The following DOCK10 variants were observed in gnomAD, a reference collection of about 807,000 sequenced individuals.
The protein encoded by DOCK10 is dedicator of cytokinesis protein 10.
In DOCK10, 145 loss-of-function variants were observed where a neutral mutation model predicts 280.1. The ratio of observed to expected loss-of-function variants is 0.52; its 90% confidence interval spans 0.45 to 0.59. DOCK10 has a LOEUF of 0.59. Ranked by LOEUF, DOCK10 falls within the 20% of genes least tolerant of loss-of-function variation. The pLI is 0.00. For synonymous variants in DOCK10, 915 were observed against 942.2 expected (o/e 0.97, Z 0.53); for missense variants, 2,368 against 2,651.7 (o/e 0.89, Z 2.35).
intron 1 of DOCK10, among the ~76,000 whole-genome samples, chr2:224,960,261 C>A (rs922228011): frequency 4.5e-4 from 69 of 152,186 alleles, no homozygotes; most frequent in African/African-American, 1.5e-3. Context: ...GCTCTTCCTC[C>A]AGTCTGAGGG....
chr2:224,814,758 G>A (rs1473236636), intron 30 of DOCK10, among the ~76,000 whole-genome samples: 1 of 152,182 alleles, frequency 6.6e-6, no homozygotes, highest in South Asian at 2.1e-4. Flanking sequence ...CTGACCTCAG[G>A]TGATCTGCCT....
At chr2:224,859,552 T>C (rs779391889) in intron 14 of DOCK10, among the ~76,000 whole-genome samples, 1 of 152,168 alleles carries the variant, frequency 6.6e-6, no homozygotes, top group Non-Finnish European at 1.5e-5. Context: ...AATACCAAAT[T>C]AATTTCAGAA....
At chr2:224,909,279 C>T (rs978153534) in intron 3 of DOCK10, among the ~76,000 whole-genome samples, 5 of 152,138 alleles carry the variant, frequency 3.3e-5, no homozygotes, top group Non-Finnish European at 7.3e-5. Context: ...TGTTTTATCA[C>T]GGAAGTGTTT....
rs1009198772 is a variant in DOCK10, at chr2:224,931,732, T to C, written c.124-64A>G. ...CACCATCTCCCTTTTCTATGCCTGG[T>C]TGGATTTCATCTCTTAGTTATCATT... On this transcript the variant is annotated intron_variant, in intron 1 of 55. Coordinates refer to ENST00000258390, the MANE Select transcript of DOCK10 (RefSeq NM_014689.3). 9 of 1,483,584 alleles carry C rather than the reference T, an allele frequency of 6.1e-6. No homozygotes were observed. In the African/African-American group the frequency reaches 1.0e-4, roughly 17 times the overall value. The allele number at this position is 1,483,584 out of a possible 1,614,324, so 91.9% of individuals were successfully genotyped here.
At chr2:225,020,952 TATAAC>T (rs1306973023) in intron 1 of DOCK10, among the ~76,000 whole-genome samples, 3 of 152,218 alleles carry the variant, frequency 2.0e-5, no homozygotes, top group Non-Finnish European at 4.4e-5. Context: ...TCTGCAAAGA[TATAAC>T]AAATCAGCAT....
chr2:225,025,290 T>A (rs996750425), intron 1 of DOCK10, among the ~76,000 whole-genome samples: 2 of 152,138 alleles, frequency 1.3e-5, no homozygotes, highest in Non-Finnish European at 2.9e-5. Context: ...TAAGGGGTAC[T>A]TGAAGGTGGT....
chr2:224,800,331 C>T, intron 40 of DOCK10, 68 bp from the exon 41 acceptor site: 1 of 876,272 alleles, frequency 1.1e-6, no homozygotes. Context: ...AAAGGATTTC[C>T]TTTCATTACA....
At chr2:225,034,873 G>A (rs150890534) in intron 1 of DOCK10, among the ~76,000 whole-genome samples, 1 of 152,178 alleles carries the variant, frequency 6.6e-6, no homozygotes, top group South Asian at 2.1e-4. Context: ...CTGGTAGGAG[G>A]AGTAACATTC....
rs542277886 is a variant in DOCK10, at chr2:224,849,490, G to A, written c.2235+17C>T. 9 of 1,585,806 alleles carry A rather than the reference G, an allele frequency of 5.7e-6. No homozygotes were observed. In the South Asian group the frequency reaches 8.0e-5, roughly 14 times the overall value. On this transcript the variant is annotated intron_variant, in intron 19 of 55. Coordinates refer to ENST00000258390, the MANE Select transcript of DOCK10 (RefSeq NM_014689.3). ...TTTCTTAGGAACCGCTGGGGGCAGT[G>A]GAGGGCTAGCTCTTACCTCATCTGA...
chr2:224,950,755 C>A (rs1703685402), intron 1 of DOCK10, among the ~76,000 whole-genome samples: 1 of 152,130 alleles, frequency 6.6e-6, no homozygotes. Flanking sequence ...AGACGTGGAG[C>A]AGAAAGTCAT....
intron 1 of DOCK10, among the ~76,000 whole-genome samples, chr2:224,946,109 A>G (rs979192390): frequency 2.0e-5 from 3 of 152,234 alleles, no homozygotes; most frequent in Non-Finnish European, 4.4e-5. Context: ...TTTACATGAA[A>G]GTCACTGAAG....
In DOCK10 at chr2:224,770,783, C is replaced by T. The variant is rs1190042398; in HGVS notation, c.6205-138G>A. On this transcript the variant is annotated intron_variant, in intron 53 of 55. Coordinates refer to ENST00000258390, the MANE Select transcript of DOCK10 (RefSeq NM_014689.3). This position sits in a 1 kb window ranked among gnomAD's most constrained non-coding sequence, Gnocchi z 4.5. ...GCCTTCTAGTCCACTCATTTGTATA[C>T]CTGACTTAGCTGCTGTCCTCCAACT... is the stretch of plus-strand genomic sequence containing the variant. 1.6e-6 allele frequency: 1 copy of T among 630,470 alleles called. No individual in the cohort carries two copies. Among genetic ancestry groups the T allele is most frequent in the East Asian group, 2.7e-5 (1 of 36,502 alleles). The allele number at this position is 630,470 out of a possible 1,614,324, so 39.1% of individuals were successfully genotyped here. A position where few individuals can be genotyped will look rare whatever the true frequency, so the allele number is the denominator to read the frequency against.
chr2:225,016,704 G>A (rs1689617124), intron 1 of DOCK10, among the ~76,000 whole-genome samples: 3 of 147,066 alleles, frequency 2.0e-5, no homozygotes. Context: ...TATATATATA[G>A]ACATAATTTT....
At chr2:225,030,613 T>A (rs367768488) in intron 1 of DOCK10, among the ~76,000 whole-genome samples, 1 of 152,194 alleles carries the variant, frequency 6.6e-6, no homozygotes. Context: ...TGGTGTTGGA[T>A]TGGTGATCAC....
At chr2:225,031,546 G>A (rs1182054216) in intron 1 of DOCK10, among the ~76,000 whole-genome samples, 3 of 152,186 alleles carry the variant, frequency 2.0e-5, no homozygotes, top group African/African-American at 7.2e-5. Flanking sequence ...TGAGCAGGGA[G>A]AAGGAGGTGA....
chr2:224,911,166 G>C (rs1036317100), intron 3 of DOCK10, among the ~76,000 whole-genome samples: 8 of 152,074 alleles, frequency 5.3e-5, no homozygotes, highest in African/African-American at 1.9e-4. Context: ...GAAGTAAGAC[G>C]CTGAGGTACA....
chr2:224,887,930 C>T (rs1699404154), intron 4 of DOCK10, among the ~76,000 whole-genome samples: 1 of 152,156 alleles, frequency 6.6e-6, no homozygotes, highest in Non-Finnish European at 1.5e-5. Context: ...ATTGACTTCT[C>T]CCTGTTTCCT....
chr2:224,856,502 C>G (rs915323708), intron 15 of DOCK10, among the ~76,000 whole-genome samples: 2 of 152,196 alleles, frequency 1.3e-5, no homozygotes, highest in African/African-American at 4.8e-5. Context: ...CCCAGCTGAT[C>G]TCTCTCAGCC....
At chr2:224,986,354 G>T (rs1374580504) in intron 1 of DOCK10, among the ~76,000 whole-genome samples, 1 of 152,174 alleles carries the variant, frequency 6.6e-6, no homozygotes, top group Non-Finnish European at 1.5e-5. Context: ...CACACTGTGA[G>T]TTTCTGGTGG....
Sources: gnomAD v4.1 joint callset for allele counts (sites outside exome capture counted in the v4.1 genomes callset) on GRCh38, gnomAD v4.1.1 for gene constraint, Gnocchi (gnomAD v3.1) non-coding constraint, MANE v1.5 for transcripts, NCBI Gene and HGNC (gene_info 2026-07-23, HGNC 2026-07-21) for gene names.